Variants in VPS53 observed in about 807,000 individuals in gnomAD.
VPS53 encodes the protein VPS53 subunit of GARP complex.
In VPS53, 70 loss-of-function variants were observed where a neutral mutation model predicts 107.0. The ratio of observed to expected loss-of-function variants is 0.65; its 90% CI spans 0.54 to 0.80. The LOEUF is 0.80. VPS53 is among the 30% of genes least tolerant of loss of function. The pLI, the probability that VPS53 is intolerant of heterozygous loss-of-function variation, is 0.00. For missense variants in VPS53, 917 were observed against 1,049.4 expected, an observed-to-expected ratio of 0.87 and a Z score of 1.74; for synonymous variants, 409 against 393.3, an observed-to-expected ratio of 1.04 and a Z score of -0.47.
chr17:608,532 AG>A (rs1369225187), intron 11 of VPS53, among the ~76,000 whole-genome samples: 6 of 152,216 alleles, frequency 3.9e-5, no homozygotes, highest in African/African-American at 1.4e-4. Flanking sequence ...ACAGTAGTTA[AG>A]AAGAGATGTT....
intron 13 of VPS53, among the ~76,000 whole-genome samples, chr17:570,777 T>C (rs1288143382): frequency 6.6e-6 from 1 of 152,104 alleles, no homozygotes; most frequent in Non-Finnish European, 1.5e-5. Context: ...GGACAACTGC[T>C]GAAATGTGAG....
chr17:587,778 T>C (rs530058046), intron 12 of VPS53, among the ~76,000 whole-genome samples: 48 of 152,348 alleles, frequency 3.2e-4, no homozygotes, highest in African/African-American at 1.1e-3. Flanking sequence ...AAATCATAAT[T>C]TGCATGTAAA....
At chr17:559,640 C>G (rs1197831499) in intron 15 of VPS53, among the ~76,000 whole-genome samples, 2 of 152,256 alleles carry the variant, frequency 1.3e-5, no homozygotes, top group African/African-American at 4.8e-5. Flanking sequence ...CCCTGGCACA[C>G]AGGAGCTCCA....
At chr17:620,254 C>T (rs1409897369) in intron 11 of VPS53, among the ~76,000 whole-genome samples, 2 of 152,228 alleles carry the variant, frequency 1.3e-5, no homozygotes, top group East Asian at 3.9e-4. Flanking sequence ...GCTCTGCAGT[C>T]CATTGCCTGA....
chr17:541,221 C>T (rs1256500420), intron 17 of VPS53, among the ~76,000 whole-genome samples: 3 of 152,198 alleles, frequency 2.0e-5, no homozygotes, highest in Non-Finnish European at 4.4e-5. Context: ...GTGGGGCTTT[C>T]ACTCCCGCAG....
intron 7 of VPS53, among the ~76,000 whole-genome samples, chr17:650,360 G>A (rs907859434): frequency 1.6e-4 from 25 of 152,110 alleles, no homozygotes; most frequent in African/African-American, 5.8e-4. Context: ...AGCCAGGCAT[G>A]GTGGTATTTG....
chr17:600,159 T>C (rs1333103852), intron 12 of VPS53: 2 of 152,242 alleles, frequency 1.3e-5, no homozygotes, highest in African/African-American at 4.8e-5. Context: ...AAACTGATTT[T>C]GTAGGTAATG....
intron 11 of VPS53, among the ~76,000 whole-genome samples, chr17:612,818 C>G (rs1386477511): frequency 1.3e-5 from 2 of 149,404 alleles, no homozygotes; most frequent in Non-Finnish European, 3.0e-5. Flanking sequence ...AGTGAGTTCA[C>G]ACAGTGAAAA....
chr17:566,203 CAAA>C (rs1003234136), intron 13 of VPS53, among the ~76,000 whole-genome samples: 5 of 57,298 alleles, frequency 8.7e-5, no homozygotes, highest in South Asian at 6.4e-4. Flanking sequence ...GACTCCGTCT[CAAA>C]AAAAAAAAAA....
intron 4 of VPS53, among the ~76,000 whole-genome samples, chr17:669,323 T>C (rs182633612): frequency 2.0e-4 from 31 of 152,226 alleles, no homozygotes; most frequent in Non-Finnish European, 3.1e-4. Context: ...GGGGGGGCAG[T>C]AGCTCACACC....
At chr17:656,688 GCTGA>G (rs914623730) in intron 5 of VPS53, 4 of 596,250 alleles carry the variant, frequency 6.7e-6, no homozygotes, top group African/African-American at 4.0e-5. Flanking sequence ...CTTGGTCCAT[GCTGA>G]CTAAGAAATG....
rs530227288 is a variant in VPS53 at position 561,562 on chromosome 17, A to T, written c.1556+941T>A. On this transcript the variant is annotated intron_variant, in intron 14 of 21. Transcript: ENST00000437048. ...AGATCACACACATTAGGTATCTATC[A>T]AGAACGGAAAAATATATACAAAAAG... 2.6e-5 allele frequency among the ~76,000 whole-genome samples: 4 copies of T among 152,354 alleles called. No homozygotes were observed. The South Asian group carries it at 8.3e-4, about 32-fold the overall frequency.
At chr17:704,639 T>C (rs963849289) in intron 2 of VPS53, among the ~76,000 whole-genome samples, 5 of 152,212 alleles carry the variant, frequency 3.3e-5, no homozygotes, top group Non-Finnish European at 4.4e-5. Flanking sequence ...AAGATAACCC[T>C]GTGTCATAAA....
intron 7 of VPS53, among the ~76,000 whole-genome samples, chr17:652,036 G>A (rs559384259): frequency 2.7e-5 from 4 of 148,624 alleles, no homozygotes; most frequent in African/African-American, 9.9e-5. Flanking sequence ...TCACCCTGTC[G>A]CCCAGGCTAG....
chr17:664,821 T>A (rs1971613420), intron 4 of VPS53, among the ~76,000 whole-genome samples: 1 of 152,112 alleles, frequency 6.6e-6, no homozygotes, highest in South Asian at 2.1e-4. Flanking sequence ...TGTGTAGGAC[T>A]CACTGATGGA....
At chr17:606,319 C>T (rs913986459) in intron 11 of VPS53, among the ~76,000 whole-genome samples, 28 of 152,126 alleles carry the variant, frequency 1.8e-4, no homozygotes, top group Non-Finnish European at 3.8e-4. Flanking sequence ...CTGACAGACC[C>T]GGGTTCGAGT....
At chr17:630,289 CA>C (rs565820885) in intron 8 of VPS53, among the ~76,000 whole-genome samples, 77 of 133,086 alleles carry the variant, frequency 5.8e-4, no homozygotes, top group African/African-American at 1.9e-3. Flanking sequence ...GAAACTCCGT[CA>C]AAAAAAAAAC....
At chr17:579,786 A>G (rs750216446) in intron 13 of VPS53, among the ~76,000 whole-genome samples, 1 of 137,030 alleles carries the variant, frequency 7.3e-6, no homozygotes, top group Non-Finnish European at 1.6e-5. Context: ...ACCTGAGTGC[A>G]TTAACAGAGA....
At chr17:619,794 CCGGG>C (rs1969384527) in intron 11 of VPS53, among the ~76,000 whole-genome samples, 1 of 138,718 alleles carries the variant, frequency 7.2e-6, no homozygotes, top group African/African-American at 2.8e-5. Flanking sequence ...CTAATATTTC[CCGGG>C]TAGCTGGGAC....
Sources: allele counts gnomAD v4.1 joint callset (sites outside exome capture counted in the v4.1 genomes callset), GRCh38; gene constraint gnomAD v4.1.1; transcripts MANE v1.5; gene names NCBI Gene and HGNC (gene_info 2026-07-23, HGNC 2026-07-21).